PTPN11: variants seen among roughly 807,000 people sequenced by gnomAD.
PTPN11 encodes tyrosine-protein phosphatase non-receptor type 11.
PTPN11 carries 6 observed loss-of-function variants against 78.8 expected under a neutral mutation model. The observed-to-expected ratio is 0.08, with a 90% confidence interval of 0.04 to 0.15. PTPN11 has a LOEUF of 0.15. Ranked by LOEUF, PTPN11 falls within the 10% of genes least tolerant of loss-of-function variation. PTPN11 has a pLI of 1.00. For synonymous variants in PTPN11, 221 were observed against 263.5 expected (o/e 0.84, Z 1.56); for missense variants, 386 against 744.8 (o/e 0.52, Z 5.61).
Position 112,478,035 on chromosome 12 carries a change from T to G in PTPN11, c.1092+20T>G. 6.2e-7 allele frequency: 1 copy of G among 1,613,618 alleles called. No homozygotes were observed. The highest frequency in any genetic ancestry group is 2.2e-5 in the East Asian group (1 of 44,876). On this transcript the variant is annotated intron_variant, in intron 9 of 15. Coordinates refer to ENST00000351677, the MANE Select transcript of PTPN11 (RefSeq NM_002834.5). The stretch of plus-strand genomic sequence containing the variant: ...GGAAAGGTAAATCACAGAAACTTCT[T>G]TTCTGCTAAACTGTTTTTAAAGTAT...
At chr12:112,471,271 T>C (rs1274317844) in intron 6 of PTPN11, among the ~76,000 whole-genome samples, 2 of 152,228 alleles carry the variant, frequency 1.3e-5, no homozygotes, top group Non-Finnish European at 2.9e-5. Flanking sequence ...GCATTTTATA[T>C]ATAAATTTTC....
chr12:112,506,480 G>A lies in PTPN11; in HGVS notation c.*688G>A, dbSNP rs550138781. On this transcript the variant is annotated 3_prime_UTR_variant, in exon 16 of 16. Transcript: ENST00000351677. ...TCCAGCCGTTGACCAATTATAGTTC[G>A]GCTGTTGACTGAGAAGTTTGTGGTG... The A allele has an allele frequency of 4.0e-5, 6 of 151,460 alleles. No individual in the cohort carries two copies. Among genetic ancestry groups the A allele is most frequent in the Admixed American group, 1.3e-4 (2 of 15,172 alleles). The allele number at this position is 151,460 out of a possible 1,614,324, so 9.4% of individuals were successfully genotyped here.
At chr12:112,472,701 A>G (rs757911739) in intron 6 of PTPN11, among the ~76,000 whole-genome samples, 2 of 151,990 alleles carry the variant, frequency 1.3e-5, no homozygotes, top group Admixed American at 1.3e-4. Flanking sequence ...TGGTTTTACC[A>G]TGTTGGCCAG....
In PTPN11 at chr12:112,428,332, A is replaced by G. The variant is rs549596849; in HGVS notation, c.14+9207A>G. ...GGTTTCATTTGTTGGTTCAGTTTTT[A>G]AACTAAGCCCTATTGTGTCAAATTA... On this transcript the variant is annotated intron_variant, in intron 1 of 15. Coordinates refer to ENST00000351677, the MANE Select transcript of PTPN11 (RefSeq NM_002834.5). 7.3e-5 allele frequency among the ~76,000 whole-genome samples: 11 copies of G among 151,538 alleles called. No individual in the cohort carries two copies. The South Asian group carries it at 2.3e-3, about 32-fold the overall frequency.
chr12:112,463,766 T>C (rs1566174197), intron 6 of PTPN11, among the ~76,000 whole-genome samples: 2 of 152,164 alleles, frequency 1.3e-5, no homozygotes, highest in South Asian at 4.1e-4. Flanking sequence ...GTGGTAAAAT[T>C]GTTGTGCACT....
intron 2 of PTPN11, among the ~76,000 whole-genome samples, chr12:112,447,054 A>C (rs1366671347): frequency 6.6e-6 from 1 of 151,252 alleles, no homozygotes; most frequent in East Asian, 2.0e-4. Context: ...TTTTTTGTAG[A>C]GATGAGGTCT....
chr12:112,428,184 T>C (rs2037652334), intron 1 of PTPN11, among the ~76,000 whole-genome samples: 1 of 152,228 alleles, frequency 6.6e-6, no homozygotes, highest in Non-Finnish European at 1.5e-5. Flanking sequence ...CCCTCTGTGT[T>C]AATTGTAATT....
intron 1 of PTPN11, among the ~76,000 whole-genome samples, chr12:112,443,036 A>G (rs1038638638): frequency 2.0e-5 from 3 of 150,786 alleles, no homozygotes; most frequent in Non-Finnish European, 4.4e-5. Flanking sequence ...AGTTGCAGAC[A>G]TGGCGTCTCA....
At chr12:112,455,898 C>A (rs2038152515) in intron 5 of PTPN11, 52 bp from the exon 6 acceptor site, 21 of 974,138 alleles carry the variant, frequency 2.2e-5, no homozygotes, top group Non-Finnish European at 3.1e-5. Context: ...TGCATTAACA[C>A]CGTTTTCTGT....
At chr12:112,474,074 C>T (rs894495508) in intron 7 of PTPN11, among the ~76,000 whole-genome samples, 21 of 151,786 alleles carry the variant, frequency 1.4e-4, no homozygotes, top group Non-Finnish European at 1.8e-4. Context: ...TGTAGGCCGG[C>T]GCAGTGGCTT....
chr12:112,488,968 C>T (rs572206886), intron 12 of PTPN11, 56 bp from the exon 13 acceptor site: 2 of 1,606,508 alleles, frequency 1.2e-6, no homozygotes, highest in East Asian at 2.2e-5. Context: ...GTGCATTAAA[C>T]AACTTCATCC....
intron 1 of PTPN11, among the ~76,000 whole-genome samples, chr12:112,443,860 C>T (rs908261199): frequency 1.3e-5 from 2 of 151,640 alleles, no homozygotes; most frequent in Admixed American, 6.6e-5. Flanking sequence ...CGCCATGTTG[C>T]CCAAGCTGGT....
intron 9 of PTPN11, among the ~76,000 whole-genome samples, chr12:112,480,635 C>T (rs1343671112): frequency 6.6e-6 from 1 of 152,228 alleles, no homozygotes; most frequent in Non-Finnish European, 1.5e-5. Flanking sequence ...GCTGGGATTA[C>T]AGGCGTGAGC....
chr12:112,455,124 A>G (rs1426956855), intron 5 of PTPN11, among the ~76,000 whole-genome samples: 1 of 151,768 alleles, frequency 6.6e-6, no homozygotes, highest in Non-Finnish European at 1.5e-5. Flanking sequence ...CCGGCCCTAA[A>G]TCTTTTCTTA....
rs397507516 is a variant in PTPN11, at chr12:112,450,469, G to C, written c.289G>C (p.Glu97Gln). Residue 97 changes from glutamate (E) to glutamine (Q), a missense_variant, in exon 3 of 16, where the codon GAG becomes CAG. Transcript: ENST00000351677. The stretch of plus-strand genomic sequence containing the variant: ...AAAAGAGAAGAATGGAGATGTCATT[G>C]AGCTTAAATATCCTCTGAACTGTGC... Reference protein sequence around the residue: ...QLKEKNGDVIELKYPLNCADP... With the variant: ...QLKEKNGDVIQLKYPLNCADP... 2.5e-5 allele frequency: 40 copies of C among 1,614,052 alleles called. No individual in the cohort carries two copies. Among genetic ancestry groups the C allele is most frequent in the Non-Finnish European group, 3.4e-5 (40 of 1,179,950 alleles).
intron 10 of PTPN11, among the ~76,000 whole-genome samples, chr12:112,484,440 G>A (rs1592851636): frequency 6.6e-6 from 1 of 152,306 alleles, no homozygotes; most frequent in East Asian, 1.9e-4. Flanking sequence ...GGAGGCACAT[G>A]GTAGAGAGAG....
At chr12:112,425,088 A>C (rs1835168280) in intron 1 of PTPN11, among the ~76,000 whole-genome samples, 1 of 151,300 alleles carries the variant, frequency 6.6e-6, no homozygotes, top group Non-Finnish European at 1.5e-5. Context: ...TCCTGAGCTC[A>C]GGTGATCCAC....
chr12:112,506,093 G>T lies in PTPN11; in HGVS notation c.*301G>T, dbSNP rs1156513452. ...TTGAAATTGAGGAAGCAGTTAAATT[G>T]TGCGCTGTATTTTGCAGATTATGGG... is the stretch of plus-strand genomic sequence containing the variant. On this transcript the variant is annotated 3_prime_UTR_variant, in exon 16 of 16. Transcript: ENST00000351677. 6.6e-6 allele frequency: 1 copy of T among 152,182 alleles called. No homozygotes were observed. The highest frequency in any genetic ancestry group is 1.5e-5 in the Non-Finnish European group (1 of 68,040). The allele number at this position is 152,182 out of a possible 1,614,324, so 9.4% of individuals were successfully genotyped here.
chr12:112,419,705 C>T (rs911765615), intron 1 of PTPN11, among the ~76,000 whole-genome samples: 2 of 152,212 alleles, frequency 1.3e-5, no homozygotes, highest in Non-Finnish European at 2.9e-5. Context: ...TCTGCAGCCA[C>T]TAGAAGTATT....
Sources: gnomAD v4.1 joint callset for allele counts (sites outside exome capture counted in the v4.1 genomes callset) on GRCh38, gnomAD v4.1.1 for gene constraint, MANE v1.5 for transcripts, NCBI Gene and HGNC (gene_info 2026-07-23, HGNC 2026-07-21) for gene names.